RASA3: variants seen among roughly 807,000 people sequenced by gnomAD.
RASA3 encodes the protein RAS p21 protein activator 3.
In RASA3, 73 loss-of-function variants were observed where a neutral mutation model predicts 110.0. The observed-to-expected ratio is 0.66, with a 90% CI of 0.55 to 0.81. The LOEUF is 0.81. Ranked by LOEUF, RASA3 falls within the 30% of genes least tolerant of loss-of-function variation. The pLI is 0.00. For synonymous variants in RASA3, 500 were observed against 451.4 expected (o/e 1.11, Z -1.37); for missense variants, 976 against 1,113.2 (o/e 0.88, Z 1.75).
At chr13:114,034,966 G>T (rs1199691743) in intron 4 of RASA3, among the ~76,000 whole-genome samples, 1 of 149,772 alleles carries the variant, frequency 6.7e-6, no homozygotes, top group Non-Finnish European at 1.5e-5. Context: ...AGATCTGAAC[G>T]CTGACCTGAG....
At chr13:114,104,258 C>T (rs1326846942) in intron 1 of RASA3, among the ~76,000 whole-genome samples, 2 of 96,548 alleles carry the variant, frequency 2.1e-5, no homozygotes, top group Non-Finnish European at 4.1e-5. Context: ...ACTGCCACGG[C>T]CACGGACACC....
intron 19 of RASA3, among the ~76,000 whole-genome samples, 191 bp from the exon 20 acceptor site, chr13:113,999,858 GGGGGGTCTCTGCCA>G (rs1294727794): frequency 2.7e-5 from 1 of 36,894 alleles, no homozygotes; most frequent in South Asian, 1.7e-3. Context: ...GTCTCTGCTG[GGGGGGTCTCTGCCA>G]GGGGGTCTCT....
intron 14 of RASA3, among the ~76,000 whole-genome samples, chr13:114,013,829 C>T (rs1484890655): frequency 3.2e-5 from 4 of 123,690 alleles, no homozygotes; most frequent in South Asian, 3.0e-4. Flanking sequence ...TCTTTCTCTC[C>T]GTCTGTCTCT....
At chr13:114,080,488 G>A (rs998026807) in intron 1 of RASA3, among the ~76,000 whole-genome samples, 4 of 152,180 alleles carry the variant, frequency 2.6e-5, no homozygotes, top group South Asian at 2.1e-4. Flanking sequence ...CAGAGGGCAC[G>A]GGAGGTTCTG....
At chr13:114,024,128 A>C (rs1025156937) in intron 8 of RASA3, 151 bp downstream of exon 8, 15 of 858,896 alleles carry the variant, frequency 1.7e-5, no homozygotes, top group Non-Finnish European at 2.6e-5. Flanking sequence ...TGTCACTTCA[A>C]CTACAACTTC....
Position 114,057,527 on chromosome 13 carries a change from G to A in RASA3, c.174-5372C>T. ...CTTCTTAGACCGATGATTTATTTAG[G>A]GAATAAGAAGGGCGATTCCAGGGAC... is the stretch of plus-strand genomic sequence containing the variant. On this transcript the variant is annotated intron_variant, in intron 2 of 23. Coordinates refer to ENST00000334062, the MANE Select transcript of RASA3 (RefSeq NM_007368.4). This position sits in a 1 kb window ranked among gnomAD's most constrained non-coding sequence, Gnocchi z 5.0. 1.0e-6 allele frequency: 1 copy of A among 984,824 alleles called. No homozygotes were observed. Among genetic ancestry groups the A allele is most frequent in the African/African-American group, 1.7e-5 (1 of 57,320 alleles). 61.0% of individuals were successfully genotyped at this position (984,824 alleles called of 1,614,324 possible). A position where few individuals can be genotyped will look rare whatever the true frequency, so the allele number is the denominator to read the frequency against.
At chr13:114,033,953 C>G (rs1427256117) in intron 4 of RASA3, among the ~76,000 whole-genome samples, 1 of 152,268 alleles carries the variant, frequency 6.6e-6, no homozygotes, top group East Asian at 1.9e-4. Context: ...CCCACCAAGA[C>G]CACAGCTCCT....
chr13:114,013,591 TCTCC>T lies in RASA3; in HGVS notation c.1406-347_1406-344del, dbSNP rs1442751061. On this transcript the variant is annotated intron_variant, in intron 14 of 23. Transcript: ENST00000334062. ...CCCTATCTCTGTCTCTCTCTCTCTC[TCTCC>T]GTCTCTGGCTCTCTCCCCCCCTCCA... Among the ~76,000 whole-genome samples the T allele has an allele frequency of 2.5e-3, 125 of 49,662 alleles. 5 individuals are homozygous for T. Among genetic ancestry groups the T allele is most frequent in the African/African-American group, 0.017 (124 of 7,396 alleles). The allele number at this position is 49,662 out of a possible 152,430, so 32.6% of individuals were successfully genotyped here.
At chr13:114,002,495 TG>T (rs956686691) in intron 18 of RASA3, among the ~76,000 whole-genome samples, 11 of 141,104 alleles carry the variant, frequency 7.8e-5, no homozygotes, top group South Asian at 2.5e-4. Flanking sequence ...AGACGGGGGT[TG>T]GGGGGGGACT....
rs981912199 is a variant in RASA3, at chr13:114,056,266, T to C, written c.174-4111A>G. 2.0e-5 allele frequency among the ~76,000 whole-genome samples: 3 copies of C among 152,148 alleles called. No individual in the cohort carries two copies. Among genetic ancestry groups the C allele is most frequent in the African/African-American group, 7.2e-5 (3 of 41,428 alleles). ...TGGTGAGTGTCTGGTGTGTGTCTGA[T>C]GTGTGTCTGATGCATATTTGGTGCG... is the stretch of plus-strand genomic sequence containing the variant. On this transcript the variant is annotated intron_variant, in intron 2 of 23. Coordinates refer to ENST00000334062, the MANE Select transcript of RASA3 (RefSeq NM_007368.4). The surrounding 1 kb of genome is among the most constrained non-coding windows in gnomAD (Gnocchi z 5.7).
intron 1 of RASA3, among the ~76,000 whole-genome samples, chr13:114,129,971 G>A (rs756313050): frequency 1.3e-5 from 2 of 152,152 alleles, no homozygotes; most frequent in South Asian, 2.1e-4. Flanking sequence ...CAGAGCCAAG[G>A]TTGGCCATGA....
intron 18 of RASA3, among the ~76,000 whole-genome samples, chr13:114,001,553 C>T (rs1217552189): frequency 6.8e-6 from 1 of 147,872 alleles, no homozygotes; most frequent in African/African-American, 2.5e-5. Context: ...GCCGCGGGCT[C>T]AGGGTCAGGG....
At chr13:114,062,990 G>T (rs778266350) in intron 2 of RASA3, among the ~76,000 whole-genome samples, 1 of 152,232 alleles carries the variant, frequency 6.6e-6, no homozygotes, top group Non-Finnish European at 1.5e-5. Flanking sequence ...CGTGTCTGCC[G>T]CCCCAGGAGA....
intron 1 of RASA3, among the ~76,000 whole-genome samples, chr13:114,102,515 G>A (rs566434322): frequency 7.7e-4 from 117 of 152,278 alleles, no homozygotes; most frequent in South Asian, 3.3e-3. Context: ...CAGGAGGTGC[G>A]AGGGGCCCTG....
At chr13:114,046,551 T>C (rs2079055635) in intron 3 of RASA3, among the ~76,000 whole-genome samples, 1 of 152,180 alleles carries the variant, frequency 6.6e-6, no homozygotes, top group South Asian at 2.1e-4. Flanking sequence ...AGGGTGGTAA[T>C]TTCCGAGTCA....
rs149448513 is a variant in RASA3 at position 114,027,389 on chromosome 13, C to T, written c.603G>A (p.Glu201=). The T allele has an allele frequency of 1.1e-5, 18 of 1,608,962 alleles. No homozygotes were observed. The highest frequency in any genetic ancestry group is 1.5e-5 in the Non-Finnish European group (18 of 1,175,556). The change falls in exon 7 of 24, where the codon GAG becomes GAA. Residue 201 remains glutamate (E), a splice_region_variant and synonymous_variant. Coordinates refer to ENST00000334062, the MANE Select transcript of RASA3 (RefSeq NM_007368.4). ...NPQFDEVFYF[E]VTRPCSYSKK... ...AACGTTGACCCATGAAGATACCAAC[C>T]TCAAAATAAAACACTTCATCGAACT...
chr13:114,027,327 T>C, intron 7 of RASA3, 62 bp downstream of exon 7: 1 of 1,351,406 alleles, frequency 7.4e-7, no homozygotes, highest in Non-Finnish European at 1.1e-6. Context: ...GGATCCAGAC[T>C]TTCTGCCAAC....
At chr13:113,999,471 G>A (rs1479093755) in intron 20 of RASA3, 114 bp downstream of exon 20, 4 of 787,738 alleles carry the variant, frequency 5.1e-6, no homozygotes, top group Non-Finnish European at 8.9e-6. Context: ...ACTCTGAGAA[G>A]CCTGGAGTGC....
intron 2 of RASA3, among the ~76,000 whole-genome samples, chr13:114,064,361 G>A (rs559644600): frequency 1.4e-4 from 21 of 152,288 alleles, no homozygotes; most frequent in Admixed American, 3.3e-4. Context: ...GAGGCCACGC[G>A]GAGTCTGAGG....
Sources: gnomAD v4.1 joint callset for allele counts (sites outside exome capture counted in the v4.1 genomes callset) on GRCh38, gnomAD v4.1.1 for gene constraint, Gnocchi (gnomAD v3.1) non-coding constraint, MANE v1.5 for transcripts, NCBI Gene and HGNC (gene_info 2026-07-23, HGNC 2026-07-21) for gene names.